The following BMPR1B variants were observed in gnomAD, a reference collection of about 807,000 sequenced individuals.
The protein encoded by BMPR1B is bone morphogenetic protein receptor type-1B.
BMPR1B carries 12 observed loss-of-function variants against 59.1 expected under a neutral mutation model. That is an observed-to-expected ratio of 0.20 (90% CI 0.13 to 0.33). BMPR1B has a LOEUF of 0.33. Among genes scored for constraint, BMPR1B ranks in the 10% least tolerant of loss-of-function variants. BMPR1B has a pLI of 1.00. For missense variants in BMPR1B, 550 were observed against 610.9 expected (o/e 0.90, Z 1.05); for synonymous variants, 237 against 207.3 (o/e 1.14, Z -1.23).
intron 2 of BMPR1B, among the ~76,000 whole-genome samples, chr4:94,992,821 C>T (rs1000339238): frequency 6.6e-6 from 1 of 152,178 alleles, no homozygotes; most frequent in Non-Finnish European, 1.5e-5. Context: ...CCAATCTTTA[C>T]ACTGTCTATT....
chr4:95,040,789 T>C (rs751841890), intron 3 of BMPR1B, among the ~76,000 whole-genome samples: 1 of 152,102 alleles, frequency 6.6e-6, no homozygotes, highest in Non-Finnish European at 1.5e-5. Flanking sequence ...ACAAATGAAA[T>C]CTTCTAGAAA....
intron 1 of BMPR1B, among the ~76,000 whole-genome samples, chr4:94,870,498 T>C (rs758977936): frequency 6.6e-6 from 1 of 152,124 alleles, no homozygotes; most frequent in Non-Finnish European, 1.5e-5. Flanking sequence ...CTCTAAGTTA[T>C]CAGTGCAAGT....
intron 1 of BMPR1B, among the ~76,000 whole-genome samples, chr4:94,808,465 C>A (rs1215121846): frequency 6.6e-6 from 1 of 152,136 alleles, no homozygotes; most frequent in Non-Finnish European, 1.5e-5. Context: ...CACTCCCACA[C>A]TGTGAGATGT....
chr4:95,046,600 G>A (rs977888026), intron 3 of BMPR1B, among the ~76,000 whole-genome samples: 3 of 152,186 alleles, frequency 2.0e-5, no homozygotes, highest in African/African-American at 7.2e-5. Context: ...AATCTAGAAT[G>A]TGTGAATGTC....
rs1732403455 is a variant in BMPR1B at position 95,120,586 on chromosome 4, C to T, written c.350-3224C>T. Among the ~76,000 whole-genome samples the T allele has an allele frequency of 2.2e-5, 3 of 136,422 alleles. No individual in the cohort carries two copies. The South Asian group carries it at 7.0e-4, about 32-fold the overall frequency. 89.5% of individuals were successfully genotyped at this position (136,422 alleles called of 152,430 possible). ...GGTTTAAGGATACAGAATGAATATA[C>T]AAAAAATCAGTCAATAGCCTGCCTT... On this transcript the variant is annotated intron_variant, in intron 6 of 12. Coordinates refer to ENST00000515059, the MANE Select transcript of BMPR1B (RefSeq NM_001203.3).
At chr4:95,137,918 T>C (rs59204183) in intron 10 of BMPR1B, among the ~76,000 whole-genome samples, 15,784 of 152,178 alleles carry the variant, frequency 0.1, 2,019 homozygotes, top group African/African-American at 0.3. Context: ...TTAAGGTTAA[T>C]ATTGTTATGT....
chr4:94,867,955 C>A (rs541667702), intron 1 of BMPR1B, among the ~76,000 whole-genome samples: 1 of 152,098 alleles, frequency 6.6e-6, no homozygotes, highest in Non-Finnish European at 1.5e-5. Context: ...AGGTGATTCT[C>A]CTGCCTCAGC....
intron 2 of BMPR1B, among the ~76,000 whole-genome samples, chr4:94,890,629 T>G (rs1727354536): frequency 6.6e-6 from 1 of 152,090 alleles, no homozygotes; most frequent in Non-Finnish European, 1.5e-5. Flanking sequence ...TTTTCCACAG[T>G]TCTGGAAGCT....
intron 2 of BMPR1B, among the ~76,000 whole-genome samples, chr4:94,961,014 A>G (rs546420227): frequency 6.6e-6 from 1 of 152,262 alleles, no homozygotes; most frequent in Admixed American, 6.5e-5. Context: ...ATGGTATAGA[A>G]GGAGCTTGAG....
At chr4:95,139,016 T>C (rs1041553424) in intron 10 of BMPR1B, among the ~76,000 whole-genome samples, 30 of 152,214 alleles carry the variant, frequency 2.0e-4, no homozygotes, top group African/African-American at 7.2e-4. Flanking sequence ...TTCAGCTTTC[T>C]TGCTCTGGTT....
At chr4:95,011,095 T>C (rs1165861561) in intron 3 of BMPR1B, among the ~76,000 whole-genome samples, 1 of 152,176 alleles carries the variant, frequency 6.6e-6, no homozygotes, top group East Asian at 1.9e-4. Context: ...TTTATTAAAC[T>C]GTTATTTTAG....
intron 1 of BMPR1B, among the ~76,000 whole-genome samples, chr4:94,829,303 T>C (rs1724489275): frequency 6.6e-6 from 1 of 151,234 alleles, no homozygotes; most frequent in Admixed American, 6.6e-5. Flanking sequence ...CTTAGGAAAT[T>C]CTTTCAACAA....
At chr4:95,139,719 T>C (rs1403881558) in intron 10 of BMPR1B, among the ~76,000 whole-genome samples, 1 of 152,110 alleles carries the variant, frequency 6.6e-6, no homozygotes, top group Non-Finnish European at 1.5e-5. Context: ...GAGCCGGGCG[T>C]GGGACCCTCG....
chr4:94,762,450 C>T (rs1462396904), intron 1 of BMPR1B, among the ~76,000 whole-genome samples: 2 of 152,166 alleles, frequency 1.3e-5, no homozygotes, highest in Non-Finnish European at 2.9e-5. Context: ...AAAGAGCCAA[C>T]CCCGTGAAGA....
At chr4:95,138,171 A>G (rs1313195582) in intron 10 of BMPR1B, among the ~76,000 whole-genome samples, 1 of 151,692 alleles carries the variant, frequency 6.6e-6, no homozygotes, top group African/African-American at 2.4e-5. Flanking sequence ...TATGAAGCTT[A>G]GTTTGGCTGG....
intron 3 of BMPR1B, among the ~76,000 whole-genome samples, chr4:95,027,049 G>A (rs1317551864): frequency 2.0e-5 from 3 of 151,966 alleles, no homozygotes; most frequent in African/African-American, 4.8e-5. Flanking sequence ...AAAGGTGTGA[G>A]CCACTATGCT....
At chr4:94,844,188 AG>A (rs1422283355) in intron 1 of BMPR1B, among the ~76,000 whole-genome samples, 1 of 152,154 alleles carries the variant, frequency 6.6e-6, no homozygotes, top group Non-Finnish European at 1.5e-5. Flanking sequence ...AGGTTAAAAA[AG>A]AAACTAATGT....
intron 12 of BMPR1B, among the ~76,000 whole-genome samples, 187 bp from the exon 13 acceptor site, chr4:95,154,361 C>A (rs1735261629): frequency 6.6e-6 from 1 of 152,178 alleles, no homozygotes; most frequent in South Asian, 2.1e-4. Flanking sequence ...ACAAAGAAGA[C>A]ATGAACATCT....
intron 2 of BMPR1B, among the ~76,000 whole-genome samples, chr4:94,924,331 A>G (rs1427597266): frequency 1.3e-5 from 2 of 152,106 alleles, no homozygotes; most frequent in Admixed American, 6.6e-5. Context: ...ACTTTTTTGC[A>G]TTACATTTTG....
Sources: allele counts gnomAD v4.1 joint callset (sites outside exome capture counted in the v4.1 genomes callset), GRCh38; gene constraint gnomAD v4.1.1; transcripts MANE v1.5; gene names NCBI Gene and HGNC (gene_info 2026-07-23, HGNC 2026-07-21).